The following LSM14A variants were observed in gnomAD, a reference collection of about 807,000 sequenced individuals.
LSM14A encodes protein LSM14 homolog A.
A neutral mutation model predicts 52.4 loss-of-function variants in LSM14A; 14 were observed. The observed-to-expected ratio is 0.27, with a 90% CI of 0.18 to 0.42. LSM14A has a LOEUF of 0.42. Ranked by LOEUF, LSM14A falls within the 10% of genes least tolerant of loss-of-function variation. LSM14A has a pLI of 1.00. For missense variants in LSM14A, 417 were observed against 581.8 expected (o/e 0.72, Z 2.91); for synonymous variants, 185 against 200.3 (o/e 0.92, Z 0.64).
chr19:34,202,821 A>AT (rs1478635026), intron 3 of LSM14A, among the ~76,000 whole-genome samples: 3 of 151,722 alleles, frequency 2.0e-5, no homozygotes, highest in Non-Finnish European at 4.4e-5. Context: ...CGCCCGGGTA[A>AT]TTTTTTGTAT....
At chr19:34,193,104 C>G (rs1046049140) in intron 1 of LSM14A, among the ~76,000 whole-genome samples, 1 of 152,180 alleles carries the variant, frequency 6.6e-6, no homozygotes, top group Non-Finnish European at 1.5e-5. Context: ...TTTCAGAAAT[C>G]TCCCAGGACA....
Position 34,227,569 on chromosome 19 carries a change from G to T in LSM14A, c.*181G>T. Reference sequence around the variant, plus strand: ...AAGATAAAATGCAGTTACTTTTGGGGGTGGAAGGCTCATCTTAAAACATGA... The same window carrying T: ...AAGATAAAATGCAGTTACTTTTGGGTGTGGAAGGCTCATCTTAAAACATGA... On this transcript the variant is annotated 3_prime_UTR_variant, in exon 10 of 10. Transcript: ENST00000544216. The T allele has an allele frequency of 1.9e-6, 1 of 517,632 alleles. No individual in the cohort carries two copies. The highest frequency in any genetic ancestry group is 3.4e-6 in the Non-Finnish European group (1 of 291,714). 32.1% of individuals were successfully genotyped at this position (517,632 alleles called of 1,614,324 possible).
intron 1 of LSM14A, among the ~76,000 whole-genome samples, chr19:34,186,631 TA>T (rs769960727): frequency 4.5e-4 from 68 of 152,230 alleles, no homozygotes; most frequent in African/African-American, 1.3e-3. Context: ...AAATTTAGGA[TA>T]GGGGGAGAGA....
At chr19:34,196,527 G>A in intron 2 of LSM14A, 107 bp from the exon 3 acceptor site, 7 of 1,030,942 alleles carry the variant, frequency 6.8e-6, no homozygotes, top group Non-Finnish European at 9.5e-6. Flanking sequence ...TTTATATCTA[G>A]TAGTTATAAT....
At chr19:34,215,515 G>T in intron 5 of LSM14A, 81 bp from the exon 6 acceptor site, 2 of 1,294,434 alleles carry the variant, frequency 1.5e-6, no homozygotes, top group Admixed American at 1.8e-5. Context: ...TTTTTGGTTT[G>T]TTTGTTTGCA....
chr19:34,215,432 C>T, intron 5 of LSM14A, 132 bp downstream of exon 5: 1 of 1,174,424 alleles, frequency 8.5e-7, no homozygotes, highest in East Asian at 2.5e-5. Context: ...AATGTTTGGT[C>T]TTTCAAATTT....
At chr19:34,180,910 A>G (rs1487618263) in intron 1 of LSM14A, among the ~76,000 whole-genome samples, 8 of 152,104 alleles carry the variant, frequency 5.3e-5, no homozygotes, top group African/African-American at 7.2e-5. Flanking sequence ...ACTTTTCTAC[A>G]TGGCTATTCC....
chr19:34,226,375 CTTTTTTTTT>C, intron 9 of LSM14A: 135 of 1,195,416 alleles, frequency 1.1e-4, no homozygotes, highest in Admixed American at 1.8e-4. Flanking sequence ...ATCTCTTTCT[CTTTTTTTTT>C]TTTTTTTTTT....
intron 9 of LSM14A, among the ~76,000 whole-genome samples, chr19:34,222,847 G>A (rs2073138180): frequency 6.6e-6 from 1 of 152,094 alleles, no homozygotes; most frequent in African/African-American, 2.4e-5. Context: ...TCTGTCTTAG[G>A]AACTCCAGAA....
intron 1 of LSM14A, among the ~76,000 whole-genome samples, chr19:34,175,855 G>A (rs1485038198): frequency 2.0e-5 from 3 of 150,754 alleles, no homozygotes; most frequent in African/African-American, 4.9e-5. Flanking sequence ...TTTTGTTTTC[G>A]TTTTTTTTTG....
chr19:34,225,264 A>G (rs544650258), intron 9 of LSM14A, among the ~76,000 whole-genome samples: 1 of 152,098 alleles, frequency 6.6e-6, no homozygotes, highest in African/African-American at 2.4e-5. Context: ...TGTTCATTCC[A>G]GAGTTGAATA....
intron 1 of LSM14A, among the ~76,000 whole-genome samples, chr19:34,175,070 A>G (rs2068986134): frequency 6.6e-6 from 1 of 152,200 alleles, no homozygotes; most frequent in Non-Finnish European, 1.5e-5. Context: ...TAATAGTTAA[A>G]TTCATATGAC....
Position 34,221,479 on chromosome 19 carries a change from T to C in LSM14A, c.1137-28T>C, listed in dbSNP as rs752002776. 4 of 1,601,396 alleles carry C rather than the reference T, an allele frequency of 2.5e-6. No homozygotes were observed. In the South Asian group the frequency reaches 3.3e-5, roughly 13 times the overall value. On this transcript the variant is annotated intron_variant, in intron 8 of 9. Coordinates refer to ENST00000544216, the MANE Select transcript of LSM14A (RefSeq NM_015578.4). ...GAGGGATATTCTTTTAAACCTGATATGCTGAAGATTATTTGCTTTTATAAT... is the reference window on the plus strand; with the variant it reads ...GAGGGATATTCTTTTAAACCTGATACGCTGAAGATTATTTGCTTTTATAAT...
intron 1 of LSM14A, among the ~76,000 whole-genome samples, chr19:34,174,898 A>C (rs2068974316): frequency 6.6e-6 from 1 of 152,154 alleles, no homozygotes; most frequent in African/African-American, 2.4e-5. Flanking sequence ...TTTATTCCTC[A>C]CAAAGAAAAA....
At position 34,221,683 on chromosome 19, in the gene LSM14A, G is replaced by A. The variant is rs373681104; in HGVS notation, c.1313G>A (p.Arg438His). The change falls in exon 9 of 10, where the codon CGC (arginine) becomes CAC (histidine). Residue 438 changes from arginine to histidine, a missense_variant. By Grantham distance (29) the Arg-to-His change is conservative (BLOSUM62 0). Coordinates refer to ENST00000544216, the MANE Select transcript of LSM14A (RefSeq NM_015578.4). ...ACCTTCACTGCCCCTCGAGGATTTC[G>A]CGGTGGATTCAGAGGAGGTCGTGGG... Reference protein sequence around the residue: ...GGTFTAPRGFRGGFRGGRGGR... With the variant: ...GGTFTAPRGFHGGFRGGRGGR... 9.9e-6 allele frequency: 16 copies of A among 1,613,994 alleles called. No individual in the cohort carries two copies. The highest frequency in any genetic ancestry group is 5.0e-5 in the Admixed American group (3 of 59,982).
At chr19:34,208,670 A>C (rs930290200) in intron 3 of LSM14A, 11 of 299,682 alleles carry the variant, frequency 3.7e-5, no homozygotes, top group African/African-American at 2.2e-4. Flanking sequence ...TGCCTAGGAC[A>C]GCACTCCATG....
At chr19:34,177,580 C>G (rs554956398) in intron 1 of LSM14A, among the ~76,000 whole-genome samples, 58 of 152,300 alleles carry the variant, frequency 3.8e-4, no homozygotes, top group African/African-American at 1.3e-3. Flanking sequence ...TGTGCCTGCT[C>G]TGGCATAATT....
intron 2 of LSM14A, 125 bp from the exon 3 acceptor site, chr19:34,196,509 T>C (rs933150094): frequency 3.1e-5 from 27 of 868,612 alleles, no homozygotes; most frequent in East Asian, 1.5e-4. Context: ...GTGCATATTG[T>C]AATTCATTTT....
At chr19:34,204,132 C>G (rs1031965844) in intron 3 of LSM14A, among the ~76,000 whole-genome samples, 23 of 152,160 alleles carry the variant, frequency 1.5e-4, no homozygotes, top group Non-Finnish European at 2.9e-5. Context: ...GAAGATACAA[C>G]AGTCCTAAAT....
Sources: gnomAD v4.1 joint callset for allele counts (sites outside exome capture counted in the v4.1 genomes callset) on GRCh38, gnomAD v4.1.1 for gene constraint, MANE v1.5 for transcripts, NCBI Gene and HGNC (gene_info 2026-07-23, HGNC 2026-07-21) for gene names.